ANKRD36C: variants seen among roughly 807,000 people sequenced by gnomAD.
The protein encoded by ANKRD36C is ankyrin repeat domain 36C, also known as ankyrin repeat domain-containing protein 36C.
In ANKRD36C, 61 loss-of-function variants were observed where a neutral mutation model predicts 276.4. The ratio of observed to expected loss-of-function variants is 0.22; its 90% CI spans 0.18 to 0.27. The LOEUF (loss-of-function observed/expected upper bound fraction) is 0.27, where lower values mean the gene tolerates loss of function less well. Among genes scored for constraint, ANKRD36C ranks in the 10% least tolerant of loss-of-function variants. ANKRD36C has a pLI of 1.00. For missense variants in ANKRD36C, 1,447 were observed against 2,032.3 expected, an observed-to-expected ratio of 0.71 and a Z score of 5.54; for synonymous variants, 483 against 680.1, an observed-to-expected ratio of 0.71 and a Z score of 4.51.
chr2:95,894,869 A>T (rs1237831194), intron 44 of ANKRD36C, among the ~76,000 whole-genome samples: 1 of 151,126 alleles, frequency 6.6e-6, no homozygotes, highest in Non-Finnish European at 1.5e-5. Flanking sequence ...AAGTGAGTTC[A>T]CTCAGGTTTC....
intron 40 of ANKRD36C, among the ~76,000 whole-genome samples, chr2:95,912,851 C>T (rs1411710665): frequency 2.0e-5 from 3 of 151,410 alleles, no homozygotes; most frequent in Non-Finnish European, 3.0e-5. Flanking sequence ...AGGCTACAAA[C>T]ATTCATCATG....
At chr2:95,950,185 G>C (rs987892530) in intron 16 of ANKRD36C, among the ~76,000 whole-genome samples, 1 of 152,304 alleles carries the variant, frequency 6.6e-6, no homozygotes, top group Non-Finnish European at 1.5e-5. Flanking sequence ...TTCTAGGACT[G>C]GCCTGGTCTT....
At chr2:95,880,545 G>C in intron 57 of ANKRD36C, 46 bp from the exon 78 acceptor site, 1 of 1,533,370 alleles carries the variant, frequency 6.5e-7, no homozygotes, top group South Asian at 1.2e-5. Context: ...ATGTATATTG[G>C]TATAGGTTAT....
chr2:95,940,597 G>A (rs577061592), intron 20 of ANKRD36C, among the ~76,000 whole-genome samples: 1 of 151,366 alleles, frequency 6.6e-6, no homozygotes, highest in African/African-American at 2.4e-5. Context: ...ATAGAGAGAA[G>A]AAATGAGTTC....
Position 95,988,106 on chromosome 2 carries a change from C to T in ANKRD36C, c.198-900G>A, listed in dbSNP as rs530679341. Among the ~76,000 whole-genome samples, 612 of 148,808 alleles carry T rather than the reference C, an allele frequency of 4.1e-3. 1 individual carries two copies. Among genetic ancestry groups the T allele is most frequent in the Non-Finnish European group, 6.6e-3 (447 of 67,512 alleles). On this transcript the variant is annotated intron_variant, in intron 1 of 66. Transcript: ENST00000456556. ...ACAGTTCATAGAACAGGCAGTTCTACTCATATAATTGGCACCTAAATAAAG... is the reference window on the plus strand; with the variant it reads ...ACAGTTCATAGAACAGGCAGTTCTATTCATATAATTGGCACCTAAATAAAG...
chr2:95,935,090 T>A (rs1413004051), intron 24 of ANKRD36C, among the ~76,000 whole-genome samples: 1 of 152,302 alleles, frequency 6.6e-6, no homozygotes, highest in Non-Finnish European at 1.5e-5. Flanking sequence ...AATTGTAATG[T>A]CAGCTGGTAT....
At chr2:95,952,188 G>A (rs1301119858) in intron 14 of ANKRD36C, among the ~76,000 whole-genome samples, 1 of 152,312 alleles carries the variant, frequency 6.6e-6, no homozygotes, top group East Asian at 1.9e-4. Context: ...AAAGAGACAT[G>A]ACCAGTCAAT....
intron 6 of ANKRD36C, among the ~76,000 whole-genome samples, chr2:95,966,785 T>C (rs4611680): frequency 0.86 from 130,226 of 152,142 alleles, 56,155 homozygotes; most frequent in African/African-American, 0.96. Flanking sequence ...ATTGATTCTT[T>C]CTAACCATGA....
At chr2:95,857,363 C>T (rs747633882) in exon 62 of ANKRD36C, 148 of 1,607,842 alleles carry the variant, frequency 9.2e-5, no homozygotes, top group African/African-American at 5.8e-4. Context: ...ATTTGAGAGC[C>T]GGTTTAATTG....
At chr2:95,903,479 C>T (rs1344795347) in intron 42 of ANKRD36C, among the ~76,000 whole-genome samples, 2 of 151,292 alleles carry the variant, frequency 1.3e-5, no homozygotes, top group African/African-American at 4.8e-5. Flanking sequence ...AAAGGATTTA[C>T]ACCATTATAC....
chr2:95,854,826 T>C (rs909941131), intron 63 of ANKRD36C, among the ~76,000 whole-genome samples: 82 of 152,122 alleles, frequency 5.4e-4, no homozygotes, highest in African/African-American at 1.8e-3. Context: ...AAAGTAATTA[T>C]GAAATAGGGA....
intron 6 of ANKRD36C, among the ~76,000 whole-genome samples, chr2:95,969,174 G>A (rs1678651207): frequency 6.6e-6 from 1 of 152,146 alleles, no homozygotes; most frequent in Non-Finnish European, 1.5e-5. Context: ...GGGGCTGGAA[G>A]TCCCAACCCT....
At chr2:95,855,703 C>G in exon 63 of ANKRD36C, 8 of 1,612,560 alleles carry the variant, frequency 5.0e-6, no homozygotes, top group African/African-American at 1.3e-5. Context: ...TTACTCTCAG[C>G]TTTAGAAAGT....
intron 59 of ANKRD36C, among the ~76,000 whole-genome samples, chr2:95,875,462 T>C (rs1287290423): frequency 2.2e-5 from 3 of 137,856 alleles, no homozygotes; most frequent in Non-Finnish European, 1.5e-5. Flanking sequence ...TTCTCACTCA[T>C]AGGTGGGAAT....
intron 29 of ANKRD36C, 32 bp from the exon 30 acceptor site, chr2:95,925,456 C>A (rs776587174): frequency 6.5e-7 from 1 of 1,547,458 alleles, no homozygotes; most frequent in South Asian, 1.2e-5. Flanking sequence ...ATAGTCAATA[C>A]ATAATATATA....
intron 59 of ANKRD36C, among the ~76,000 whole-genome samples, chr2:95,872,011 A>T (rs1283253093): frequency 9.9e-5 from 14 of 141,330 alleles, no homozygotes; most frequent in East Asian, 4.2e-4. Flanking sequence ...ACCCAGATTC[A>T]TAAAGCAAGT....
At chr2:95,889,180 T>G (rs1337472165) in intron 48 of ANKRD36C, among the ~76,000 whole-genome samples, 1 of 151,554 alleles carries the variant, frequency 6.6e-6, no homozygotes, top group African/African-American at 2.4e-5. Context: ...AATTCTAGCA[T>G]AGTTTCCTGC....
At chr2:95,857,211 G>A in intron 62 of ANKRD36C, 98 bp downstream of exon 82, 1 of 1,363,458 alleles carries the variant, frequency 7.3e-7, no homozygotes, top group Non-Finnish European at 9.6e-7. Flanking sequence ...AAAATTTGGG[G>A]ATTGTTCAGG....
chr2:95,851,948 A>G (rs1463093885), intron 65 of ANKRD36C, among the ~76,000 whole-genome samples, 161 bp from the exon 86 acceptor site: 1 of 152,218 alleles, frequency 6.6e-6, no homozygotes, highest in Non-Finnish European at 1.5e-5. Flanking sequence ...TTTTGTTGAT[A>G]ATATGCAAAA....
Sources: gnomAD v4.1 joint callset for allele counts (sites outside exome capture counted in the v4.1 genomes callset) on GRCh38, gnomAD v4.1.1 for gene constraint, MANE v1.5 for transcripts, NCBI Gene and HGNC (gene_info 2026-07-23, HGNC 2026-07-21) for gene names.